LRRC8D: variants seen among roughly 807,000 people sequenced by gnomAD.
LRRC8D encodes volume-regulated anion channel subunit LRRC8D.
Under a neutral mutation model 55.8 loss-of-function variants are expected in LRRC8D, and 20 were observed. The ratio of observed to expected loss-of-function variants is 0.36; its 90% CI spans 0.25 to 0.52. The LOEUF (loss-of-function observed/expected upper bound fraction) is 0.52, where lower values mean the gene tolerates loss of function less well. LRRC8D is among the 20% of genes least tolerant of loss of function. The pLI, the probability that LRRC8D is intolerant of heterozygous loss-of-function variation, is 0.93. For synonymous variants in LRRC8D, 352 were observed against 377.0 expected (o/e 0.93, Z 0.77); for missense variants, 651 against 1,030.8 (o/e 0.63, Z 5.05).
chr1:89,821,534 G>A (rs982700843), intron 1 of LRRC8D, among the ~76,000 whole-genome samples: 1 of 152,272 alleles, frequency 6.6e-6, no homozygotes, highest in Non-Finnish European at 1.5e-5. Flanking sequence ...TCTGAGCGTC[G>A]GCCGCTTCGG....
At chr1:89,852,401 C>A (rs1385748588) in intron 2 of LRRC8D, among the ~76,000 whole-genome samples, 4 of 152,130 alleles carry the variant, frequency 2.6e-5, no homozygotes, top group Non-Finnish European at 5.9e-5. Flanking sequence ...AATTGGCAGC[C>A]AAACTACTTC....
Position 89,825,776 on chromosome 1 carries a change from G to T in LRRC8D, c.-148+4485G>T, listed in dbSNP as rs74978761. On this transcript the variant is annotated intron_variant, in intron 1 of 2. Transcript: ENST00000337338. ...CCCAGATGTCTTCTGAAGCTGGCAG[G>T]TAAGAAATCCCAGGTACCTTAGTGC... 6.5e-3 allele frequency among the ~76,000 whole-genome samples: 994 copies of T among 152,314 alleles called. 10 individuals carry two copies. The highest frequency in any genetic ancestry group is 0.023 in the African/African-American group (937 of 41,564).
At chr1:89,873,235 G>A (rs1030695818) in intron 2 of LRRC8D, among the ~76,000 whole-genome samples, 2 of 152,292 alleles carry the variant, frequency 1.3e-5, no homozygotes, top group African/African-American at 2.4e-5. Flanking sequence ...CCTCAAAGCT[G>A]TCGATGCAAA....
At chr1:89,919,467 C>T (rs1325069770) in intron 2 of LRRC8D, among the ~76,000 whole-genome samples, 1 of 152,100 alleles carries the variant, frequency 6.6e-6, no homozygotes, top group Non-Finnish European at 1.5e-5. Context: ...ATATGCTATG[C>T]CAGGTATATG....
In LRRC8D at chr1:89,934,427, T is replaced by C. The variant is rs749739094; in HGVS notation, c.1359T>C (p.His453=). The C allele has an allele frequency of 1.9e-6, 3 of 1,613,978 alleles. No individual in the cohort carries two copies. The highest frequency in any genetic ancestry group is 1.7e-5 in the Admixed American group (1 of 59,998). ...AACTTAGGGAAATTAGTTTGAACCA[T>C]GAGTGGACATTTGAAAAACTCAGGC... ...ENKLREISLN[H]EWTFEKLRQH... is the part of the protein sequence containing the mutation. Residue 453 remains histidine (H), a synonymous_variant, in exon 3 of 3, where the codon CAT becomes CAC. Transcript: ENST00000337338. This position sits in a 1 kb window ranked among gnomAD's most constrained non-coding sequence, Gnocchi z 5.9.
intron 2 of LRRC8D, among the ~76,000 whole-genome samples, chr1:89,882,806 G>A (rs1397606638): frequency 6.6e-6 from 1 of 152,184 alleles, no homozygotes; most frequent in Non-Finnish European, 1.5e-5. Context: ...GCCAGGCCTA[G>A]GAAACTAGAT....
At chr1:89,906,088 C>T (rs144172369) in intron 2 of LRRC8D, among the ~76,000 whole-genome samples, 72 of 152,326 alleles carry the variant, frequency 4.7e-4, no homozygotes, top group African/African-American at 1.7e-3. Flanking sequence ...TTTTATGGGG[C>T]AGCCGCATTG....
At chr1:89,917,841 T>C (rs909969690) in intron 2 of LRRC8D, among the ~76,000 whole-genome samples, 6 of 152,208 alleles carry the variant, frequency 3.9e-5, no homozygotes, top group African/African-American at 1.4e-4. Context: ...TCCTGACCCT[T>C]AACCTTTCAC....
At chr1:89,892,828 A>G (rs939397783) in intron 2 of LRRC8D, among the ~76,000 whole-genome samples, 1 of 152,172 alleles carries the variant, frequency 6.6e-6, no homozygotes, top group African/African-American at 2.4e-5. Context: ...CCGTAGATTG[A>G]TATTTCTGTC....
chr1:89,913,637 T>G (rs1315026034), intron 2 of LRRC8D, among the ~76,000 whole-genome samples: 4 of 152,256 alleles, frequency 2.6e-5, no homozygotes, highest in African/African-American at 4.8e-5. Context: ...TGGAATTCTC[T>G]CTACACTTTT....
chr1:89,851,138 T>C (rs1349020769), intron 2 of LRRC8D, among the ~76,000 whole-genome samples: 2 of 152,038 alleles, frequency 1.3e-5, no homozygotes, highest in Non-Finnish European at 1.5e-5. Context: ...CTTGGTCATC[T>C]GTGTAGGGCA....
intron 2 of LRRC8D, among the ~76,000 whole-genome samples, chr1:89,909,285 T>C (rs184087936): frequency 1.3e-5 from 2 of 152,160 alleles, no homozygotes; most frequent in East Asian, 3.9e-4. Flanking sequence ...CTGCTTGTGA[T>C]TGTGTCATTA....
intron 2 of LRRC8D, among the ~76,000 whole-genome samples, chr1:89,855,114 T>C (rs1256113536): frequency 6.6e-6 from 1 of 152,208 alleles, no homozygotes; most frequent in Non-Finnish European, 1.5e-5. Flanking sequence ...TCACTCTTTG[T>C]TAAAAGTGTA....
chr1:89,885,098 C>T (rs1662384835), intron 2 of LRRC8D, among the ~76,000 whole-genome samples: 1 of 152,212 alleles, frequency 6.6e-6, no homozygotes, highest in African/African-American at 2.4e-5. Flanking sequence ...TATTGTGAAT[C>T]TGTACCATCT....
chr1:89,905,457 T>C (rs1662965198), intron 2 of LRRC8D, among the ~76,000 whole-genome samples: 2 of 152,188 alleles, frequency 1.3e-5, no homozygotes, highest in Non-Finnish European at 2.9e-5. Context: ...TTAATAAATA[T>C]TCACTGAAAG....
Position 89,880,456 on chromosome 1 carries a change from A to ATTT in LRRC8D, c.-3+36687_-3+36689dup, listed in dbSNP as rs199892284. Among the ~76,000 whole-genome samples the ATTT allele has an allele frequency of 6.3e-4, 87 of 138,606 alleles. 1 individual carries two copies. The highest frequency in any genetic ancestry group is 2.1e-3 in the African/African-American group (78 of 37,476). The allele number at this position is 138,606 out of a possible 152,430, so 90.9% of individuals were successfully genotyped here. A position where few individuals can be genotyped will look rare whatever the true frequency, so the allele number is the denominator to read the frequency against. On this transcript the variant is annotated intron_variant, in intron 2 of 2. Transcript: ENST00000337338. ...ATCAGAAAGAAGAGACCTAGGTTTG[A>ATTT]TTTTTTTTTTTTTTTGGCCTACCAT...
At chr1:89,907,147 T>G (rs1259629961) in intron 2 of LRRC8D, among the ~76,000 whole-genome samples, 5 of 150,922 alleles carry the variant, frequency 3.3e-5, no homozygotes, top group African/African-American at 7.3e-5. Context: ...TTCCCATCTA[T>G]CTTTCAGGTG....
chr1:89,873,765 C>A (rs1662080428), intron 2 of LRRC8D, among the ~76,000 whole-genome samples: 1 of 152,222 alleles, frequency 6.6e-6, no homozygotes, highest in Middle Eastern at 3.2e-3. Context: ...TTTTCCCTTA[C>A]ATTCCTGAAA....
intron 2 of LRRC8D, among the ~76,000 whole-genome samples, chr1:89,875,130 A>G (rs1360269082): frequency 1.3e-5 from 2 of 152,236 alleles, no homozygotes; most frequent in Non-Finnish European, 2.9e-5. Context: ...ATTATTTTGT[A>G]CAGGTTAAGT....
Sources: gnomAD v4.1 joint callset for allele counts (sites outside exome capture counted in the v4.1 genomes callset) on GRCh38, gnomAD v4.1.1 for gene constraint, Gnocchi (gnomAD v3.1) non-coding constraint, MANE v1.5 for transcripts, NCBI Gene and HGNC (gene_info 2026-07-23, HGNC 2026-07-21) for gene names.